The following RIC1 variants were observed in gnomAD, a reference collection of about 807,000 sequenced individuals.
The protein encoded by RIC1 is guanine nucleotide exchange factor subunit RIC1.
In RIC1, 88 loss-of-function variants were observed where a neutral mutation model predicts 169.0. The observed-to-expected ratio is 0.52, with a 90% CI of 0.44 to 0.62. RIC1 has a LOEUF of 0.62. Among genes scored for constraint, RIC1 ranks in the 20% least tolerant of loss-of-function variants. The pLI, the probability that RIC1 is intolerant of heterozygous loss-of-function variation, is 0.00. For synonymous variants in RIC1, 790 were observed against 601.5 expected, an observed-to-expected ratio of 1.31 and a Z score of -4.59; for missense variants, 1,877 against 1,725.5, an observed-to-expected ratio of 1.09 and a Z score of -1.56.
chr9:5,649,140 G>GA (rs201886296), intron 1 of RIC1, among the ~76,000 whole-genome samples: 3,073 of 147,678 alleles, frequency 0.021, 114 homozygotes, highest in African/African-American at 0.071. Context: ...TCTTAAAAAA[G>GA]AAAAAAAAAA....
intron 2 of RIC1, among the ~76,000 whole-genome samples, chr9:5,673,058 G>A (rs933795677): frequency 2.0e-5 from 3 of 152,144 alleles, no homozygotes; most frequent in African/African-American, 4.8e-5. Flanking sequence ...GGACAAGCAA[G>A]TGGACATGTA....
At chr9:5,642,874 C>T (rs1448606235) in intron 1 of RIC1, among the ~76,000 whole-genome samples, 1 of 152,214 alleles carries the variant, frequency 6.6e-6, no homozygotes, top group Non-Finnish European at 1.5e-5. Context: ...GGCCTGTTCT[C>T]ATACTACCTA....
intron 1 of RIC1, among the ~76,000 whole-genome samples, chr9:5,652,846 T>A (rs1818881828): frequency 6.6e-6 from 1 of 152,198 alleles, no homozygotes; most frequent in African/African-American, 2.4e-5. Context: ...GTTTGTCATA[T>A]ATGGCTTTTA....
At chr9:5,678,379 G>C in intron 2 of RIC1, among the ~76,000 whole-genome samples, 1 of 151,724 alleles carries the variant, frequency 6.6e-6, no homozygotes, top group Non-Finnish European at 1.5e-5. Flanking sequence ...GGGATGGCTG[G>C]GTCAAATGGT....
chr9:5,679,292 C>G (rs951946274), intron 2 of RIC1, among the ~76,000 whole-genome samples: 1 of 152,142 alleles, frequency 6.6e-6, no homozygotes, highest in African/African-American at 2.4e-5. Flanking sequence ...CAGCTTTGTT[C>G]TTTTGACTTA....
intron 2 of RIC1, among the ~76,000 whole-genome samples, chr9:5,665,283 C>A (rs1169236487): frequency 6.6e-6 from 1 of 152,150 alleles, no homozygotes; most frequent in Non-Finnish European, 1.5e-5. Context: ...AAGTCTCCCA[C>A]TATTATTGTG....
intron 16 of RIC1, among the ~76,000 whole-genome samples, chr9:5,756,661 A>G (rs1826035094): frequency 6.6e-6 from 1 of 152,120 alleles, no homozygotes; most frequent in Non-Finnish European, 1.5e-5. Flanking sequence ...AACCTTGAAA[A>G]TAAATGGTTA....
In RIC1 at chr9:5,669,466, C is replaced by T. The variant is rs565201492; in HGVS notation, c.252+12776C>T. ...GGTTGCTGCAAATGCCATTATTTTG[C>T]TCCTTTTTGTGACTGAGTAGTATTC... On this transcript the variant is annotated intron_variant, in intron 2 of 25. Coordinates refer to ENST00000414202, the MANE Select transcript of RIC1 (RefSeq NM_020829.4). 3.9e-5 allele frequency among the ~76,000 whole-genome samples: 6 copies of T among 152,262 alleles called. No homozygotes were observed. In the South Asian group the frequency reaches 1.0e-3, roughly 26 times the overall value.
chr9:5,742,655 C>G (rs1825147719), intron 8 of RIC1, among the ~76,000 whole-genome samples: 1 of 152,034 alleles, frequency 6.6e-6, no homozygotes, highest in African/African-American at 2.4e-5. Context: ...TTACAAATCA[C>G]CTGTGCACTG....
At chr9:5,695,794 C>T (rs897883173) in intron 3 of RIC1, among the ~76,000 whole-genome samples, 2 of 152,026 alleles carry the variant, frequency 1.3e-5, no homozygotes, top group African/African-American at 2.4e-5. Context: ...TGGTCTTGAA[C>T]TCCTGACCTC....
chr9:5,688,406 G>A (rs978483155), intron 2 of RIC1, among the ~76,000 whole-genome samples: 1 of 152,130 alleles, frequency 6.6e-6, no homozygotes, highest in Non-Finnish European at 1.5e-5. Context: ...CTTGATGCCA[G>A]TGTTTTGAAA....
chr9:5,656,757 C>A, intron 2 of RIC1, 67 bp downstream of exon 2: 2 of 893,828 alleles, frequency 2.2e-6, no homozygotes, highest in Non-Finnish European at 3.6e-6. Flanking sequence ...AAATTTGATT[C>A]TCTTAGATGA....
chr9:5,681,776 C>G (rs190228379), intron 2 of RIC1, among the ~76,000 whole-genome samples: 12 of 152,228 alleles, frequency 7.9e-5, no homozygotes, highest in Non-Finnish European at 1.5e-4. Context: ...GTGTGGGAGT[C>G]TAAGTCTCTT....
chr9:5,734,268 G>A (rs1465654786), intron 7 of RIC1, among the ~76,000 whole-genome samples: 1 of 151,580 alleles, frequency 6.6e-6, no homozygotes, highest in Non-Finnish European at 1.5e-5. Context: ...CACCATGCCC[G>A]GCTAATTTTT....
At chr9:5,632,300 G>A (rs562571654) in intron 1 of RIC1, among the ~76,000 whole-genome samples, 1 of 152,322 alleles carries the variant, frequency 6.6e-6, no homozygotes, top group South Asian at 2.1e-4. Context: ...TGTGGAAATT[G>A]TATGTGTACA....
intron 2 of RIC1, among the ~76,000 whole-genome samples, chr9:5,660,349 A>C (rs1218321067): frequency 6.6e-6 from 1 of 152,130 alleles, no homozygotes; most frequent in African/African-American, 2.4e-5. Context: ...AGAATGATTT[A>C]TATTTTGGGG....
intron 21 of RIC1, among the ~76,000 whole-genome samples, chr9:5,766,513 C>G (rs1353791331): frequency 1.3e-5 from 2 of 152,276 alleles, no homozygotes; most frequent in Non-Finnish European, 2.9e-5. Context: ...AGCCTTTCCC[C>G]CAAGTCCCCA....
intron 1 of RIC1, among the ~76,000 whole-genome samples, chr9:5,646,800 CATTTTCAATTTTGATGA>C (rs1818541459): frequency 6.6e-6 from 1 of 152,184 alleles, no homozygotes; most frequent in Non-Finnish European, 1.5e-5. Context: ...TGATGCACAG[CATTTTCAATTTTGATGA>C]AGTCTGTCTT....
intron 2 of RIC1, among the ~76,000 whole-genome samples, 168 bp downstream of exon 2, chr9:5,656,858 A>C (rs1819131386): frequency 6.6e-6 from 1 of 152,208 alleles, no homozygotes; most frequent in African/African-American, 2.4e-5. Context: ...CTCCTACTAT[A>C]GCTTTTCTTC....
Sources: gnomAD v4.1 joint callset for allele counts (sites outside exome capture counted in the v4.1 genomes callset) on GRCh38, gnomAD v4.1.1 for gene constraint, MANE v1.5 for transcripts, NCBI Gene and HGNC (gene_info 2026-07-23, HGNC 2026-07-21) for gene names.